The following ADAM22 variants were observed in gnomAD, a reference collection of about 807,000 sequenced individuals.
ADAM22 encodes ADAM metallopeptidase domain 22, also known as disintegrin and metalloproteinase domain-containing protein 22.
A neutral mutation model predicts 144.6 loss-of-function variants in ADAM22; 65 were observed. The observed-to-expected ratio is 0.45, with a 90% confidence interval of 0.37 to 0.55. The LOEUF is 0.55. Ranked by LOEUF, ADAM22 falls within the 20% of genes least tolerant of loss-of-function variation. The pLI is 0.00. For missense variants in ADAM22, 974 were observed against 1,184.9 expected, an observed-to-expected ratio of 0.82 and a Z score of 2.61; for synonymous variants, 391 against 412.6, an observed-to-expected ratio of 0.95 and a Z score of 0.63.
chr7:88,008,936 G>T (rs1794695055), intron 3 of ADAM22, among the ~76,000 whole-genome samples: 1 of 151,314 alleles, frequency 6.6e-6, no homozygotes, highest in Non-Finnish European at 1.5e-5. Context: ...GAAAAAAAAA[G>T]AAATATCACT....
At chr7:87,988,356 G>A (rs1286875562) in intron 3 of ADAM22, among the ~76,000 whole-genome samples, 1 of 152,084 alleles carries the variant, frequency 6.6e-6, no homozygotes, top group East Asian at 1.9e-4. Flanking sequence ...TAACACTATG[G>A]GATTTTGCCA....
chr7:87,954,142 A>C (rs927759549), intron 2 of ADAM22, among the ~76,000 whole-genome samples: 4 of 151,630 alleles, frequency 2.6e-5, no homozygotes, highest in African/African-American at 9.7e-5. Flanking sequence ...GTCCATTTAC[A>C]TTTAAAGTTA....
chr7:88,036,111 T>G (rs1381608690), intron 3 of ADAM22, among the ~76,000 whole-genome samples: 1 of 152,148 alleles, frequency 6.6e-6, no homozygotes, highest in African/African-American at 2.4e-5. Flanking sequence ...GAAAAATAAG[T>G]ATCACAGTAC....
intron 4 of ADAM22, among the ~76,000 whole-genome samples, chr7:88,089,486 T>C (rs565199250): frequency 4.6e-5 from 7 of 152,174 alleles, no homozygotes; most frequent in Non-Finnish European, 1.0e-4. Context: ...CTAAGGCTTT[T>C]TCCTTTACTC....
intron 30 of ADAM22, 118 bp from the exon 31 acceptor site, chr7:88,192,998 T>C: frequency 8.3e-7 from 1 of 1,203,016 alleles, no homozygotes; most frequent in Non-Finnish European, 1.2e-6. Context: ...AGTTAAATCT[T>C]TGCAGTAGTG....
In ADAM22 at chr7:88,136,170, A is replaced by T. The variant is rs150745370; in HGVS notation, c.1220+139A>T. The T allele has an allele frequency of 3.0e-4, 170 of 575,396 alleles. 2 individuals are homozygous for T. In the Admixed American group the frequency reaches 6.5e-3, roughly 22 times the overall value. The allele number at this position is 575,396 out of a possible 1,614,324, so 35.6% of individuals were successfully genotyped here. A position where few individuals can be genotyped will look rare whatever the true frequency, so the allele number is the denominator to read the frequency against. The stretch of plus-strand genomic sequence containing the variant: ...ATTTTTGCAAAATAACCTCTTATTT[A>T]TAAAAACAATTGATGTCAATTAAGT... On this transcript the variant is annotated intron_variant, in intron 14 of 31. Coordinates refer to ENST00000413139, the MANE Select transcript of ADAM22 (RefSeq NM_001324418.2).
intron 3 of ADAM22, among the ~76,000 whole-genome samples, chr7:88,071,667 T>C (rs1812853917): frequency 1.3e-5 from 2 of 152,178 alleles, no homozygotes; most frequent in South Asian, 4.1e-4. Context: ...AGGCTTGTTA[T>C]GACATGCAAA....
chr7:87,974,314 A>G (rs1272374818), intron 2 of ADAM22, among the ~76,000 whole-genome samples: 4 of 151,058 alleles, frequency 2.6e-5, no homozygotes, highest in African/African-American at 9.7e-5. Context: ...AAAAAAAAAA[A>G]AAAAGAAAAA....
chr7:87,979,796 C>T (rs1372103815), intron 3 of ADAM22, among the ~76,000 whole-genome samples: 1 of 151,974 alleles, frequency 6.6e-6, no homozygotes, highest in Admixed American at 6.6e-5. Flanking sequence ...AAGAGTGAAA[C>T]AGCAAAAAAG....
At chr7:88,068,671 T>A (rs1270055453) in intron 3 of ADAM22, among the ~76,000 whole-genome samples, 3 of 152,184 alleles carry the variant, frequency 2.0e-5, no homozygotes, top group Admixed American at 1.3e-4. Flanking sequence ...ATATGCTTTA[T>A]GTAGTGTCAG....
intron 3 of ADAM22, among the ~76,000 whole-genome samples, chr7:87,998,230 G>C (rs569051092): frequency 3.2e-4 from 48 of 152,066 alleles, no homozygotes; most frequent in Non-Finnish European, 4.7e-4. Flanking sequence ...TGCCTCTCCC[G>C]GTCCACTGAC....
intron 3 of ADAM22, among the ~76,000 whole-genome samples, chr7:87,979,533 C>T (rs780837226): frequency 1.3e-5 from 2 of 152,020 alleles, no homozygotes; most frequent in East Asian, 1.9e-4. Context: ...ATGACATTGC[C>T]ATTTTTATAG....
chr7:88,126,629 G>T (rs1830473128), intron 8 of ADAM22, among the ~76,000 whole-genome samples: 1 of 151,926 alleles, frequency 6.6e-6, no homozygotes, highest in African/African-American at 2.4e-5. Context: ...AAATGCTTGG[G>T]ACCGGAAGTT....
chr7:88,092,034 T>C (rs1820001882), intron 4 of ADAM22, among the ~76,000 whole-genome samples: 1 of 152,158 alleles, frequency 6.6e-6, no homozygotes, highest in Non-Finnish European at 1.5e-5. Flanking sequence ...TTGGATTGTG[T>C]ATTGTTCAGC....
chr7:87,962,427 A>G (rs933731520), intron 2 of ADAM22, among the ~76,000 whole-genome samples: 2 of 152,214 alleles, frequency 1.3e-5, no homozygotes, highest in Non-Finnish European at 2.9e-5. Context: ...AGAGTGGAAG[A>G]TGGTATAGCT....
intron 3 of ADAM22, among the ~76,000 whole-genome samples, chr7:88,052,663 G>C (rs1000804018): frequency 1.3e-5 from 2 of 152,108 alleles, no homozygotes; most frequent in African/African-American, 4.8e-5. Flanking sequence ...GAAGCTGCAC[G>C]TGATAGTTTC....
intron 3 of ADAM22, among the ~76,000 whole-genome samples, chr7:88,035,665 T>C (rs186354239): frequency 6.6e-6 from 1 of 152,356 alleles, no homozygotes; most frequent in African/African-American, 2.4e-5. Flanking sequence ...TTACGTAGCA[T>C]TCATGTTGTA....
intron 2 of ADAM22, among the ~76,000 whole-genome samples, chr7:87,956,521 A>G (rs1344926834): frequency 6.6e-6 from 1 of 152,228 alleles, no homozygotes. Flanking sequence ...TGGTGTATTT[A>G]GAGAACTGTG....
chr7:87,952,586 T>G (rs1845532916), intron 2 of ADAM22, among the ~76,000 whole-genome samples: 1 of 152,032 alleles, frequency 6.6e-6, no homozygotes, highest in African/African-American at 2.4e-5. Context: ...TCATCAAGGA[T>G]ATTGGTCTAA....
Sources: gnomAD v4.1 joint callset for allele counts (sites outside exome capture counted in the v4.1 genomes callset) on GRCh38, gnomAD v4.1.1 for gene constraint, MANE v1.5 for transcripts, NCBI Gene and HGNC (gene_info 2026-07-23, HGNC 2026-07-21) for gene names.